The following MGST2 variants were observed in gnomAD, a reference collection of about 807,000 sequenced individuals.
The protein encoded by MGST2 is glutathione peroxidase MGST2.
MGST2 carries 9 observed loss-of-function variants against 16.6 expected under a neutral mutation model. The ratio of observed to expected loss-of-function variants is 0.54; its 90% CI spans 0.33 to 0.95. MGST2 has a LOEUF of 0.95. Ranked by LOEUF, MGST2 falls within the 40% of genes least tolerant of loss-of-function variation. MGST2 has a pLI of 0.03. For synonymous variants in MGST2, 79 were observed against 68.0 expected, an observed-to-expected ratio of 1.16 and a Z score of -0.79; for missense variants, 159 against 175.1, an observed-to-expected ratio of 0.91 and a Z score of 0.52.
the MGST2 span, among the ~76,000 whole-genome samples, chr4:139,747,244 T>G: frequency 6.6e-6 from 1 of 152,180 alleles, no homozygotes; most frequent in African/African-American, 2.4e-5. Flanking sequence ...AGGAAGGAAA[T>G]GTAACTTGAG....
At chr4:139,675,850 G>T (rs1338489183) in intron 1 of MGST2, among the ~76,000 whole-genome samples, 2 of 152,186 alleles carry the variant, frequency 1.3e-5, no homozygotes, top group Non-Finnish European at 2.9e-5. Flanking sequence ...CGTAATGTCA[G>T]CAAGGGTTGC....
chr4:139,691,798 A>G (rs1726613366), intron 2 of MGST2, among the ~76,000 whole-genome samples: 2 of 152,060 alleles, frequency 1.3e-5, no homozygotes, highest in Admixed American at 6.5e-5. Context: ...TCCTGGGCTC[A>G]CACCATTCTC....
chr4:139,724,587 A>G (rs771363110), intron 5 of MGST2, among the ~76,000 whole-genome samples: 4 of 152,152 alleles, frequency 2.6e-5, no homozygotes, highest in Non-Finnish European at 5.9e-5. Flanking sequence ...CTTTTTGCAG[A>G]CACTTAAAGG....
chr4:139,719,612 G>T, intron 5 of MGST2: 1 of 1,612,572 alleles, frequency 6.2e-7, no homozygotes, highest in Non-Finnish European at 8.5e-7. Flanking sequence ...CATTGGCCTC[G>T]CCTGGCTGGT....
At chr4:139,728,610 C>T (rs960866919) in intron 5 of MGST2, among the ~76,000 whole-genome samples, 2 of 152,196 alleles carry the variant, frequency 1.3e-5, no homozygotes, top group Admixed American at 6.5e-5. Flanking sequence ...CATCCCTCAT[C>T]ATCTTTTGGT....
At chr4:139,679,486 C>T (rs777137058) in intron 2 of MGST2, among the ~76,000 whole-genome samples, 30 of 152,136 alleles carry the variant, frequency 2.0e-4, no homozygotes, top group Non-Finnish European at 3.4e-4. Flanking sequence ...TGTGTTCCTT[C>T]AAGGTTGTGT....
At chr4:139,753,829 C>T in the MGST2 span, among the ~76,000 whole-genome samples, 76 of 152,240 alleles carry the variant, frequency 5.0e-4, no homozygotes, top group East Asian at 0.013. Flanking sequence ...GCTACCAAGA[C>T]GCACGGGTAT....
the MGST2 span, among the ~76,000 whole-genome samples, chr4:139,749,713 C>G: frequency 6.6e-6 from 1 of 152,298 alleles, no homozygotes. Context: ...GGTGGCAGTG[C>G]TAATTGGTGA....
At chr4:139,704,913 C>T, downstream of MGST2, among the ~76,000 whole-genome samples, 1 of 152,004 alleles carries the variant, frequency 6.6e-6, no homozygotes, top group South Asian at 2.1e-4. Flanking sequence ...CAGACTCTGT[C>T]TCAAACCAAC....
At chr4:139,668,277 A>G (rs1730476484) in intron 1 of MGST2, among the ~76,000 whole-genome samples, 2 of 152,188 alleles carry the variant, frequency 1.3e-5, no homozygotes, top group South Asian at 4.1e-4. Flanking sequence ...TTTGGAGAGA[A>G]TAGATTGTAA....
chr4:139,735,401 G>A lies in MGST2; in HGVS notation c.*49-4811G>A, dbSNP rs1052246757. ...GGGAGGAAGAATTCAAGTGGGGGAGGGCGCGGGAAGGGGACGTGGAGGGAA... is the reference window on the plus strand; with the variant it reads ...GGGAGGAAGAATTCAAGTGGGGGAGAGCGCGGGAAGGGGACGTGGAGGGAA... On this transcript the variant is annotated intron_variant, in intron 5 of 5. Transcript: ENST00000616265. The surrounding 1 kb of genome is among the most constrained non-coding windows in gnomAD (Gnocchi z 5.8). Among the ~76,000 whole-genome samples, 26 of 152,076 alleles carry A rather than the reference G, an allele frequency of 1.7e-4. No homozygotes were observed. In the South Asian group the frequency reaches 5.4e-3, roughly 32 times the overall value.
chr4:139,734,608 A>G (rs1193252822), intron 5 of MGST2, among the ~76,000 whole-genome samples: 1 of 152,256 alleles, frequency 6.6e-6, no homozygotes, highest in Non-Finnish European at 1.5e-5. Flanking sequence ...TCTAAAGGCT[A>G]GAGTGAGGTA....
chr4:139,691,694 GATGATT>G lies in MGST2; in HGVS notation c.159-3500_159-3495del, dbSNP rs1429407086. ...TGATGATGATGATGATGATGATGAT[GATGATT>G]ATTATTATTATTATTTGAGACGGAA... is the stretch of plus-strand genomic sequence containing the variant. On this transcript the variant is annotated intron_variant, in intron 2 of 4. Coordinates refer to ENST00000265498, the MANE Select transcript of MGST2 (RefSeq NM_002413.5). Among the ~76,000 whole-genome samples the G allele has an allele frequency of 5.9e-3, 766 of 130,726 alleles. 3 individuals are homozygous for G. Among genetic ancestry groups the G allele is most frequent in the African/African-American group, 0.025 (704 of 28,256 alleles). 85.8% of individuals were successfully genotyped at this position (130,726 alleles called of 152,430 possible).
At position 139,666,002 on chromosome 4, in the gene MGST2, A is replaced by C; in HGVS notation, c.-18A>C. The C allele has an allele frequency of 6.2e-7, 1 of 1,613,984 alleles. No individual in the cohort carries two copies. On this transcript the variant is annotated 5_prime_UTR_variant, in exon 1 of 5. Transcript: ENST00000265498. Reference sequence around the variant, plus strand: ...CATTTATCTTCCCGTGCGCTCTACAAATAGTTCCGTGAGAAAGATGGCCGG... The same window carrying C: ...CATTTATCTTCCCGTGCGCTCTACACATAGTTCCGTGAGAAAGATGGCCGG...
intron 5 of MGST2, among the ~76,000 whole-genome samples, chr4:139,728,293 C>T (rs935309193): frequency 1.1e-4 from 17 of 152,174 alleles, no homozygotes; most frequent in Non-Finnish European, 2.4e-4. Flanking sequence ...AAATCTGCAC[C>T]CTCCTCAGGT....
intron 2 of MGST2, among the ~76,000 whole-genome samples, chr4:139,692,318 C>T (rs1726657538): frequency 6.6e-6 from 1 of 152,244 alleles, no homozygotes; most frequent in Admixed American, 6.5e-5. Flanking sequence ...CTGCTGCTCA[C>T]CCAGGATCCC....
downstream of MGST2, among the ~76,000 whole-genome samples, chr4:139,708,735 G>A (rs1727616221): frequency 6.6e-6 from 1 of 152,102 alleles, no homozygotes; most frequent in Non-Finnish European, 1.5e-5. Flanking sequence ...AGGCGCGGTG[G>A]CTCACGCCTG....
chr4:139,705,253 G>A (rs188840414), downstream of MGST2, among the ~76,000 whole-genome samples: 2 of 152,240 alleles, frequency 1.3e-5, no homozygotes, highest in South Asian at 2.1e-4. Flanking sequence ...TCCCTCTGCT[G>A]GCTTCCAAGC....
chr4:139,716,882 T>TAA (rs1275929793), intron 5 of MGST2: 1 of 152,578 alleles, frequency 6.6e-6, no homozygotes, highest in Non-Finnish European at 1.5e-5. Flanking sequence ...ATGTACAAAG[T>TAA]AAAAACAGAA....
Sources: gnomAD v4.1 joint callset for allele counts (sites outside exome capture counted in the v4.1 genomes callset) on GRCh38, gnomAD v4.1.1 for gene constraint, Gnocchi (gnomAD v3.1) non-coding constraint, MANE v1.5 for transcripts, NCBI Gene and HGNC (gene_info 2026-07-23, HGNC 2026-07-21) for gene names.